The following TRIM24 variants were observed in gnomAD, a reference collection of about 807,000 sequenced individuals.
The protein encoded by TRIM24 is tripartite motif containing 24, also known as transcription intermediary factor 1-alpha.
In TRIM24, 29 loss-of-function variants were observed where a neutral mutation model predicts 123.9. That is an observed-to-expected ratio of 0.23 (90% confidence interval 0.17 to 0.32). The LOEUF is 0.32. TRIM24 is among the 10% of genes least tolerant of loss of function. TRIM24 has a pLI of 1.00. For synonymous variants in TRIM24, 456 were observed against 461.1 expected, an observed-to-expected ratio of 0.99 and a Z score of 0.14; for missense variants, 932 against 1,295.3, an observed-to-expected ratio of 0.72 and a Z score of 4.31.
intron 10 of TRIM24, among the ~76,000 whole-genome samples, chr7:138,568,862 A>G (rs572230094): frequency 5.7e-4 from 87 of 152,146 alleles, no homozygotes; most frequent in Non-Finnish European, 1.0e-3. Context: ...AATTTTCATA[A>G]TTCTATAACA....
At chr7:138,572,443 C>T (rs866297820) in intron 11 of TRIM24, among the ~76,000 whole-genome samples, 60 of 125,690 alleles carry the variant, frequency 4.8e-4, no homozygotes, top group Middle Eastern at 4.0e-3. Flanking sequence ...TTCCCTGCCC[C>T]CGAACCCACA....
chr7:138,587,067 C>T lies in TRIM24; in HGVS notation c.*2116C>T, dbSNP rs1377203167. ...ATATAATTATATTAAAAGTAAAGATCGGGGCTGGGCGCAGTGGCTCACACC... is the reference window on the plus strand; with the variant it reads ...ATATAATTATATTAAAAGTAAAGATTGGGGCTGGGCGCAGTGGCTCACACC... On this transcript the variant is annotated 3_prime_UTR_variant, in exon 19 of 19. Transcript: ENST00000343526. The T allele has an allele frequency of 6.6e-6, 1 of 152,044 alleles. No homozygotes were observed. Among genetic ancestry groups the T allele is most frequent in the African/African-American group, 2.4e-5 (1 of 41,404 alleles). The allele number at this position is 152,044 out of a possible 1,614,324, so 9.4% of individuals were successfully genotyped here. A position where few individuals can be genotyped will look rare whatever the true frequency, so the allele number is the denominator to read the frequency against.
intron 7 of TRIM24, 68 bp downstream of exon 7, chr7:138,538,871 C>A: frequency 7.3e-7 from 1 of 1,376,208 alleles, no homozygotes; most frequent in Non-Finnish European, 9.8e-7. Context: ...CATTGTAATG[C>A]TTAAAATTTA....
Position 138,472,741 on chromosome 7 carries a change from A to C in TRIM24, c.364+11829A>C, listed in dbSNP as rs566596245. Among the ~76,000 whole-genome samples, 8 of 152,308 alleles carry C rather than the reference A, an allele frequency of 5.3e-5. No individual in the cohort carries two copies. In the East Asian group the frequency reaches 1.5e-3, roughly 29 times the overall value. On this transcript the variant is annotated intron_variant, in intron 1 of 18. Transcript: ENST00000343526. ...CTCAAGGCATGAGCTGCGAACTATT[A>C]GGGTCTGAAACAAGATAAGGACATT...
intron 10 of TRIM24, 111 bp downstream of exon 10, chr7:138,567,765 C>T: frequency 8.8e-7 from 1 of 1,136,214 alleles, no homozygotes; most frequent in Non-Finnish European, 1.2e-6. Flanking sequence ...AGCAAGCCTT[C>T]TTTTTCATTT....
intron 1 of TRIM24, among the ~76,000 whole-genome samples, chr7:138,487,989 G>A (rs1795686400): frequency 1.3e-5 from 2 of 151,984 alleles, no homozygotes; most frequent in African/African-American, 4.8e-5. Flanking sequence ...TTTTTTCGTT[G>A]GTAGGCTCTT....
intron 14 of TRIM24, 145 bp from the exon 15 acceptor site, chr7:138,579,059 C>A (rs1404605428): frequency 5.2e-6 from 3 of 579,898 alleles, no homozygotes; most frequent in Non-Finnish European, 8.6e-6. Flanking sequence ...GTCTTCTAAG[C>A]CAGTTAGCAA....
At chr7:138,501,526 C>T (rs1456231537) in intron 1 of TRIM24, among the ~76,000 whole-genome samples, 1 of 152,034 alleles carries the variant, frequency 6.6e-6, no homozygotes, top group Non-Finnish European at 1.5e-5. Context: ...CCACCACACC[C>T]GGCCTTCAGC....
At chr7:138,504,516 C>T in intron 2 of TRIM24, 108 bp downstream of exon 2, 1 of 619,178 alleles carries the variant, frequency 1.6e-6, no homozygotes, top group Non-Finnish European at 2.5e-6. Flanking sequence ...CAGGAGTTCA[C>T]AAGTGGCGCA....
intron 2 of TRIM24, 64 bp downstream of exon 2, chr7:138,504,472 T>TTTG (rs1283448803): frequency 2.0e-6 from 2 of 987,248 alleles, no homozygotes; most frequent in Non-Finnish European, 2.9e-6. Context: ...TTTTTTTTTT[T>TTTG]TGAGACAGAG....
At chr7:138,519,103 G>A (rs1016537166) in intron 3 of TRIM24, 86 bp from the exon 4 acceptor site, 1 of 1,495,796 alleles carries the variant, frequency 6.7e-7, no homozygotes, top group South Asian at 1.2e-5. Flanking sequence ...TATATCAATA[G>A]ATGTGAATTC....
chr7:138,539,767 T>A (rs150541409), intron 7 of TRIM24, among the ~76,000 whole-genome samples: 520 of 150,732 alleles, frequency 3.4e-3, no homozygotes, highest in African/African-American at 0.011. Context: ...TTATGTTTTT[T>A]AAAAAAACAG....
chr7:138,493,761 G>A (rs2116504447), intron 1 of TRIM24, among the ~76,000 whole-genome samples: 1 of 152,218 alleles, frequency 6.6e-6, no homozygotes, highest in Non-Finnish European at 1.5e-5. Context: ...CTGTCCCCAT[G>A]TTGCAGCAGG....
At chr7:138,526,841 A>T (rs946822083) in intron 5 of TRIM24, among the ~76,000 whole-genome samples, 6 of 152,184 alleles carry the variant, frequency 3.9e-5, no homozygotes, top group Non-Finnish European at 7.3e-5. Context: ...TTTTATTCTG[A>T]GTAATTGAAA....
intron 10 of TRIM24, among the ~76,000 whole-genome samples, chr7:138,569,116 C>G (rs1054431626): frequency 1.3e-5 from 2 of 152,152 alleles, no homozygotes; most frequent in Non-Finnish European, 2.9e-5. Context: ...GTGGCACTTA[C>G]GTAGTCTTTT....
intron 1 of TRIM24, among the ~76,000 whole-genome samples, chr7:138,498,076 A>G (rs540972396): frequency 1.3e-3 from 196 of 150,288 alleles, no homozygotes; most frequent in Non-Finnish European, 2.5e-3. Context: ...GCTGGGGTGC[A>G]GTGGCGCAAT....
chr7:138,576,369 T>G lies in TRIM24; in HGVS notation c.2015-4T>G. 6.2e-7 allele frequency: 1 copy of G among 1,612,892 alleles called. No homozygotes were observed. The highest frequency in any genetic ancestry group is 1.3e-5 in the African/African-American group (1 of 74,998). Reference sequence around the variant, plus strand: ...TTATGAATGTATGGTTTCCCCCTCCTCAGGACCTGTTACTATGACTAGTGT... The same window carrying G: ...TTATGAATGTATGGTTTCCCCCTCCGCAGGACCTGTTACTATGACTAGTGT... On this transcript the variant is annotated splice_region_variant and splice_polypyrimidine_tract_variant and intron_variant, in intron 12 of 18. Transcript: ENST00000343526.
In TRIM24 at chr7:138,461,081, C is replaced by A. The variant is rs978471351; in HGVS notation, c.364+169C>A. ...GACGGTGACATGGAGGGCCCGCGCT[C>A]TGCGGCGTGTCGCGCTCGGCCAGCA... On this transcript the variant is annotated intron_variant, in intron 1 of 18. Transcript: ENST00000343526. 5.0e-6 allele frequency: 4 copies of A among 802,674 alleles called. No homozygotes were observed. In the African/African-American group the frequency reaches 6.8e-5, roughly 14 times the overall value. The allele number at this position is 802,674 out of a possible 1,614,324, so 49.7% of individuals were successfully genotyped here.
chr7:138,585,094 C>A lies in TRIM24; in HGVS notation c.*143C>A. The A allele has an allele frequency of 1.7e-6, 1 of 590,310 alleles. No homozygotes were observed. Among genetic ancestry groups the A allele is most frequent in the Non-Finnish European group, 2.8e-6 (1 of 359,472 alleles). 36.6% of individuals were successfully genotyped at this position (590,310 alleles called of 1,614,324 possible). The stretch of plus-strand genomic sequence containing the variant: ...TGGACGTTTACTAGACTTTGATTTC[C>A]TTAATAGCCCATTTCTGTTAACCTC... On this transcript the variant is annotated 3_prime_UTR_variant, in exon 19 of 19. Transcript: ENST00000343526.
Sources: allele counts gnomAD v4.1 joint callset (sites outside exome capture counted in the v4.1 genomes callset), GRCh38; gene constraint gnomAD v4.1.1; transcripts MANE v1.5; gene names NCBI Gene and HGNC (gene_info 2026-07-23, HGNC 2026-07-21).